Variants in MCF2L observed in about 807,000 individuals in gnomAD.
MCF2L encodes MCF.2 cell line derived transforming sequence like, also known as guanine nucleotide exchange factor DBS.
Under a neutral mutation model 153.4 loss-of-function variants are expected in MCF2L, and 97 were observed. That is an observed-to-expected ratio of 0.63 (90% CI 0.54 to 0.75). The LOEUF (loss-of-function observed/expected upper bound fraction) is 0.75. Ranked by LOEUF, MCF2L falls within the 30% of genes least tolerant of loss-of-function variation. The pLI is 0.00. For missense variants in MCF2L, 1,347 were observed against 1,495.2 expected (o/e 0.90, Z 1.64); for synonymous variants, 659 against 632.2 (o/e 1.04, Z -0.64).
At chr13:112,921,866 T>C (rs1271645110) in intron 2 of MCF2L, among the ~76,000 whole-genome samples, 1 of 150,246 alleles carries the variant, frequency 6.7e-6, no homozygotes, top group Admixed American at 6.6e-5. Context: ...CAGGAGAGAG[T>C]GTCAGGAGGA....
At chr13:113,076,271 A>ATTTT in intron 12 of MCF2L, 114 bp downstream of exon 12, 1 of 722,208 alleles carries the variant, frequency 1.4e-6, no homozygotes, top group Non-Finnish European at 2.0e-6. Flanking sequence ...ATTTATTATT[A>ATTTT]TTTTTTTTTT....
At chr13:113,091,779 C>G (rs2035243120) in intron 26 of MCF2L, among the ~76,000 whole-genome samples, 1 of 152,200 alleles carries the variant, frequency 6.6e-6, no homozygotes, top group African/African-American at 2.4e-5. Context: ...CCCTGTGAAG[C>G]CCAGAGACCT....
chr13:113,085,211 C>G, intron 20 of MCF2L, 33 bp downstream of exon 20: 1 of 1,593,288 alleles, frequency 6.3e-7, no homozygotes, highest in Non-Finnish European at 8.6e-7. Context: ...CCCGGCCTCC[C>G]CAGCACCTGC....
chr13:113,022,623 G>A (rs997237406), intron 2 of MCF2L, among the ~76,000 whole-genome samples: 1 of 152,248 alleles, frequency 6.6e-6, no homozygotes, highest in Non-Finnish European at 1.5e-5. Flanking sequence ...CGTAGCTGGG[G>A]CGTGCCGCTT....
chr13:112,969,583 A>C lies in MCF2L; in HGVS notation c.79+125A>C, dbSNP rs371343155. The stretch of plus-strand genomic sequence containing the variant: ...TTCCTTTCTAGCCGTGGTAGCTGTG[A>C]CATGGGGGGCACTGGTTGGCAGCTG... On this transcript the variant is annotated intron_variant, in intron 1 of 29. Transcript: ENST00000535094. This position sits in a 1 kb window ranked among gnomAD's most constrained non-coding sequence, Gnocchi z 4.8. 2.7e-4 allele frequency: 400 copies of C among 1,480,454 alleles called. 1 individual carries two copies. In the South Asian group the frequency reaches 4.7e-3, roughly 17 times the overall value. The allele number at this position is 1,480,454 out of a possible 1,614,324, so 91.7% of individuals were successfully genotyped here.
At chr13:113,000,325 G>A (rs2083310917) in intron 1 of MCF2L, among the ~76,000 whole-genome samples, 1 of 152,154 alleles carries the variant, frequency 6.6e-6, no homozygotes, top group African/African-American at 2.4e-5. Flanking sequence ...AATTATGGAT[G>A]GACATCACAG....
intron 4 of MCF2L, among the ~76,000 whole-genome samples, chr13:113,050,733 GGCGGGGGGA>G (rs2087225308): frequency 3.6e-5 from 1 of 27,424 alleles, no homozygotes; most frequent in African/African-American, 1.5e-4. Flanking sequence ...GGGCGGGGGG[GGCGGGGGGA>G]GCGGGGGGGT....
At chr13:113,040,545 T>TCC (rs1360335819) in intron 3 of MCF2L, 1 of 152,296 alleles carries the variant, frequency 6.6e-6, no homozygotes, top group East Asian at 1.9e-4. Context: ...ACACCAAGGG[T>TCC]CCCCTTCCTC....
intron 2 of MCF2L, among the ~76,000 whole-genome samples, chr13:112,936,753 A>G (rs1182020720): frequency 6.6e-6 from 1 of 152,124 alleles, no homozygotes; most frequent in Non-Finnish European, 1.5e-5. Flanking sequence ...TGTAGATACC[A>G]TCATCTCTCT....
intron 2 of MCF2L, among the ~76,000 whole-genome samples, chr13:112,940,882 G>C (rs2081569008): frequency 1.3e-5 from 2 of 152,236 alleles, no homozygotes; most frequent in African/African-American, 4.8e-5. Flanking sequence ...CCCAGCATTT[G>C]GGTGGCATGT....
intron 2 of MCF2L, among the ~76,000 whole-genome samples, chr13:112,944,433 G>T (rs1318797864): frequency 1.3e-5 from 2 of 152,106 alleles, no homozygotes; most frequent in African/African-American, 2.4e-5. Flanking sequence ...GAACACCTGG[G>T]TCTCTCTGTG....
At chr13:112,956,541 G>C (rs1008223901) in intron 2 of MCF2L, 3 of 152,284 alleles carry the variant, frequency 2.0e-5, no homozygotes, top group African/African-American at 4.8e-5. Flanking sequence ...TGCTGGAAGC[G>C]TCTGGCCCAC....
At chr13:112,989,982 T>C (rs538900434) in intron 1 of MCF2L, among the ~76,000 whole-genome samples, 1 of 152,310 alleles carries the variant, frequency 6.6e-6, no homozygotes, top group African/African-American at 2.4e-5. Flanking sequence ...CAGTTCACCA[T>C]AGGTTCGCTC....
At chr13:112,999,559 C>T (rs76347828) in intron 1 of MCF2L, among the ~76,000 whole-genome samples, 6 of 152,192 alleles carry the variant, frequency 3.9e-5, no homozygotes, top group African/African-American at 9.7e-5. Flanking sequence ...CTGCCTGAGA[C>T]GTCCCAGCCC....
intron 27 of MCF2L, 117 bp downstream of exon 27, chr13:113,094,752 C>T: frequency 9.8e-6 from 13 of 1,325,352 alleles, no homozygotes; most frequent in Non-Finnish European, 1.3e-5. Flanking sequence ...CTCCTCCTAA[C>T]CCTGGAAGGT....
intron 2 of MCF2L, among the ~76,000 whole-genome samples, chr13:113,015,520 G>A (rs566454937): frequency 3.3e-4 from 50 of 152,012 alleles, no homozygotes; most frequent in South Asian, 2.1e-3. Context: ...CCGAGGACGC[G>A]GTGCTCTTGG....
chr13:113,015,975 G>A (rs941391242), intron 2 of MCF2L, among the ~76,000 whole-genome samples: 2 of 152,102 alleles, frequency 1.3e-5, no homozygotes, highest in African/African-American at 2.4e-5. Flanking sequence ...ACCCCAAAGA[G>A]GCTCACAGCT....
intron 25 of MCF2L, among the ~76,000 whole-genome samples, chr13:113,089,250 C>T (rs28507695): frequency 7.1e-5 from 10 of 140,368 alleles, no homozygotes; most frequent in Admixed American, 5.8e-4. Context: ...CCAGCCCGTC[C>T]GGGTTTAACT....
intron 2 of MCF2L, chr13:112,956,391 T>C (rs950002050): frequency 6.6e-6 from 1 of 152,266 alleles, no homozygotes; most frequent in Admixed American, 6.5e-5. Context: ...AAAAGGCTCA[T>C]GAAAATACTG....
Sources: gnomAD v4.1 joint callset for allele counts (sites outside exome capture counted in the v4.1 genomes callset) on GRCh38, gnomAD v4.1.1 for gene constraint, Gnocchi (gnomAD v3.1) non-coding constraint, MANE v1.5 for transcripts, NCBI Gene and HGNC (gene_info 2026-07-23, HGNC 2026-07-21) for gene names.